The following LINGO2 variants were observed in gnomAD, a reference collection of about 807,000 sequenced individuals.
LINGO2 encodes leucine rich repeat and Ig domain containing 2.
A neutral mutation model predicts 30.6 loss-of-function variants in LINGO2; 14 were observed. The ratio of observed to expected loss-of-function variants is 0.46; its 90% CI spans 0.30 to 0.72. LINGO2 has a LOEUF of 0.72. Among genes scored for constraint, LINGO2 ranks in the 30% least tolerant of loss-of-function variants. The probability of loss-of-function intolerance (pLI) is 0.07; values close to 1 mark genes in which losing one functional copy is unlikely to be tolerated. For synonymous variants in LINGO2, 317 were observed against 288.5 expected (o/e 1.10, Z -1.00); for missense variants, 729 against 751.7 (o/e 0.97, Z 0.35).
At chr9:28,163,324 A>T (rs1828339057) in intron 4 of LINGO2, among the ~76,000 whole-genome samples, 1 of 152,160 alleles carries the variant, frequency 6.6e-6, no homozygotes, top group East Asian at 1.9e-4. Flanking sequence ...GCAGACGTTG[A>T]GTGTGTGAGT....
At chr9:28,654,075 T>A (rs1828231219) in intron 1 of LINGO2, among the ~76,000 whole-genome samples, 1 of 152,140 alleles carries the variant, frequency 6.6e-6, no homozygotes, top group African/African-American at 2.4e-5. Context: ...ATGACTTGTC[T>A]TCTTAGTTGC....
intron 4 of LINGO2, among the ~76,000 whole-genome samples, chr9:28,139,623 C>T (rs1827618339): frequency 6.6e-6 from 1 of 152,064 alleles, no homozygotes; most frequent in Non-Finnish European, 1.5e-5. Context: ...TTTATTTCTT[C>T]CTACTGTGAG....
intron 4 of LINGO2, among the ~76,000 whole-genome samples, chr9:28,228,810 T>A (rs1271173442): frequency 1.3e-5 from 2 of 151,692 alleles, no homozygotes; most frequent in African/African-American, 4.8e-5. Flanking sequence ...TTGGAATTAT[T>A]TTTTAGTTTT....
chr9:29,038,520 T>C, the LINGO2 span, among the ~76,000 whole-genome samples: 1 of 151,978 alleles, frequency 6.6e-6, no homozygotes. Context: ...ACATGAAACC[T>C]AACAGAATTT....
chr9:28,021,287 A>C (rs1823109447), intron 4 of LINGO2, among the ~76,000 whole-genome samples: 1 of 152,050 alleles, frequency 6.6e-6, no homozygotes, highest in Non-Finnish European at 1.5e-5. Context: ...AGTGTCTTTT[A>C]ATTTCTAAAT....
chr9:28,741,850 C>G, the LINGO2 span, among the ~76,000 whole-genome samples: 1 of 151,584 alleles, frequency 6.6e-6, no homozygotes, highest in Non-Finnish European at 1.5e-5. Flanking sequence ...GTTGGGCTGT[C>G]TGAAATCGGA....
intron 4 of LINGO2, among the ~76,000 whole-genome samples, chr9:28,217,794 G>A (rs1475749402): frequency 2.6e-5 from 4 of 151,906 alleles, no homozygotes; most frequent in Non-Finnish European, 1.5e-5. Context: ...TCATGAAATA[G>A]GAACTGCTTT....
At chr9:28,055,690 T>C (rs1012230802) in intron 4 of LINGO2, among the ~76,000 whole-genome samples, 2 of 152,168 alleles carry the variant, frequency 1.3e-5, no homozygotes, top group Non-Finnish European at 2.9e-5. Context: ...AAATGCTTCT[T>C]TGTTAACTAC....
At chr9:28,894,728 T>C in the LINGO2 span, among the ~76,000 whole-genome samples, 2 of 152,042 alleles carry the variant, frequency 1.3e-5, no homozygotes, top group Non-Finnish European at 2.9e-5. Flanking sequence ...AAATTTATTT[T>C]AAACTGACAA....
chr9:28,935,050 T>A, the LINGO2 span, among the ~76,000 whole-genome samples: 2 of 152,136 alleles, frequency 1.3e-5, no homozygotes, highest in Admixed American at 1.3e-4. Flanking sequence ...TACTCATCAA[T>A]ACTGGTCTTT....
chr9:28,911,840 C>T, the LINGO2 span, among the ~76,000 whole-genome samples: 33 of 151,962 alleles, frequency 2.2e-4, no homozygotes, highest in Non-Finnish European at 4.3e-4. Context: ...CAGTCTTTCC[C>T]GGAGAGTAAC....
chr9:29,175,959 C>T, the LINGO2 span, among the ~76,000 whole-genome samples: 1 of 152,096 alleles, frequency 6.6e-6, no homozygotes, highest in African/African-American at 2.4e-5. Context: ...CCCTAGGCAG[C>T]AGTCCCTCTA....
chr9:29,100,462 C>T, the LINGO2 span, among the ~76,000 whole-genome samples: 8 of 151,936 alleles, frequency 5.3e-5, no homozygotes. Context: ...GGGGTGGTGA[C>T]ACACTCCTGT....
chr9:28,022,841 T>C, intron 4 of LINGO2, among the ~76,000 whole-genome samples: 1 of 149,562 alleles, frequency 6.7e-6, no homozygotes, highest in East Asian at 2.0e-4. Context: ...GAAATTGTCC[T>C]ACAACTCTGG....
At chr9:28,546,477 C>T (rs1821952420) in intron 1 of LINGO2, among the ~76,000 whole-genome samples, 1 of 152,056 alleles carries the variant, frequency 6.6e-6, no homozygotes. Context: ...TCAGATTCTT[C>T]TTAAACTCTC....
At chr9:28,590,839 C>T (rs1308780485) in intron 1 of LINGO2, among the ~76,000 whole-genome samples, 2 of 152,106 alleles carry the variant, frequency 1.3e-5, no homozygotes, top group Non-Finnish European at 2.9e-5. Context: ...AATCATGCTG[C>T]TATAAAGATA....
In LINGO2 at chr9:28,563,689, C is replaced by T. The variant is rs1299315156; in HGVS notation, c.-364-87664G>A. On this transcript the variant is annotated intron_variant, in intron 1 of 5. Coordinates refer to ENST00000379992, the Ensembl canonical transcript of LINGO2. The stretch of plus-strand genomic sequence containing the variant: ...CTCTGTTGAAACTCTTAAGATCGCT[C>T]AGATTCCCTGGCATAAGTCCTCATG... Among the ~76,000 whole-genome samples the T allele has an allele frequency of 2.0e-5, 3 of 152,244 alleles. No homozygotes were observed. The East Asian group carries it at 5.8e-4, about 29-fold the overall frequency.
the LINGO2 span, among the ~76,000 whole-genome samples, chr9:28,907,698 G>A: frequency 6.6e-6 from 1 of 151,680 alleles, no homozygotes; most frequent in African/African-American, 2.4e-5. Context: ...AAATGAGAAG[G>A]GGCCAGACTT....
chr9:28,538,153 T>A (rs995206551), intron 1 of LINGO2, among the ~76,000 whole-genome samples: 2 of 151,816 alleles, frequency 1.3e-5, no homozygotes, highest in Non-Finnish European at 2.9e-5. Context: ...CAGATTTCAC[T>A]GAAAGAATAC....
Sources: allele counts gnomAD v4.1 joint callset (sites outside exome capture counted in the v4.1 genomes callset), GRCh38; gene constraint gnomAD v4.1.1; transcripts MANE v1.5; gene names NCBI Gene and HGNC (gene_info 2026-07-23, HGNC 2026-07-21).